Variants in FILIP1L observed in about 807,000 individuals in gnomAD.
FILIP1L encodes the protein filamin A interacting protein 1 like.
A neutral mutation model predicts 96.6 loss-of-function variants in FILIP1L; 55 were observed. The observed-to-expected ratio is 0.57, with a 90% confidence interval of 0.46 to 0.71. FILIP1L has a LOEUF of 0.71. Among genes scored for constraint, FILIP1L ranks in the 30% least tolerant of loss-of-function variants. The pLI, the probability that FILIP1L is intolerant of heterozygous loss-of-function variation, is 0.00. For synonymous variants in FILIP1L, 467 were observed against 473.9 expected, an observed-to-expected ratio of 0.99 and a Z score of 0.19; for missense variants, 1,304 against 1,321.2, an observed-to-expected ratio of 0.99 and a Z score of 0.20.
chr3:99,981,122 G>T (rs963030493), intron 1 of FILIP1L, among the ~76,000 whole-genome samples: 2 of 152,144 alleles, frequency 1.3e-5, no homozygotes. Context: ...CACTCTGTCC[G>T]AGCATTGTGC....
chr3:100,083,055 C>T (rs1285117825), intron 1 of FILIP1L, among the ~76,000 whole-genome samples: 1 of 152,148 alleles, frequency 6.6e-6, no homozygotes, highest in Non-Finnish European at 1.5e-5. Flanking sequence ...TATGAAATTA[C>T]AATTATTTTC....
intron 1 of FILIP1L, among the ~76,000 whole-genome samples, chr3:100,081,004 TTC>T: frequency 6.6e-6 from 1 of 152,346 alleles, no homozygotes; most frequent in Admixed American, 6.5e-5. Flanking sequence ...TCATTATTTA[TTC>T]AAGAACTATC....
intron 1 of FILIP1L, among the ~76,000 whole-genome samples, chr3:99,945,109 C>T (rs1468892232): frequency 6.6e-6 from 1 of 152,194 alleles, no homozygotes; most frequent in Non-Finnish European, 1.5e-5. Flanking sequence ...AGTCACCCTG[C>T]TGTGCTCTCC....
chr3:99,988,477 A>C (rs1270442852), intron 1 of FILIP1L, among the ~76,000 whole-genome samples: 1 of 139,298 alleles, frequency 7.2e-6, no homozygotes, highest in Non-Finnish European at 1.5e-5. Context: ...ATGCCACTGC[A>C]CTCCAGCCTG....
chr3:99,882,422 T>C (rs565321838), intron 4 of FILIP1L, among the ~76,000 whole-genome samples: 3 of 152,316 alleles, frequency 2.0e-5, no homozygotes, highest in Admixed American at 2.0e-4. Context: ...TTCCACTTCC[T>C]CATATAATGG....
At chr3:100,019,316 T>C (rs1311952617) in intron 1 of FILIP1L, among the ~76,000 whole-genome samples, 1 of 152,104 alleles carries the variant, frequency 6.6e-6, no homozygotes, top group Non-Finnish European at 1.5e-5. Flanking sequence ...GCTATGATCA[T>C]GCCACTGCAC....
chr3:99,964,502 G>A (rs1229432777), intron 1 of FILIP1L: 2 of 152,480 alleles, frequency 1.3e-5, no homozygotes, highest in Non-Finnish European at 2.9e-5. Context: ...AGGGCTCAGA[G>A]CTAGGTAGTG....
intron 1 of FILIP1L, among the ~76,000 whole-genome samples, chr3:100,059,402 C>T (rs971291950): frequency 2.0e-5 from 3 of 152,196 alleles, no homozygotes; most frequent in African/African-American, 7.2e-5. Flanking sequence ...GCCTCATCTC[C>T]GTGATCATCA....
At chr3:99,886,984 A>AG (rs1705921636) in intron 4 of FILIP1L, among the ~76,000 whole-genome samples, 1 of 134,310 alleles carries the variant, frequency 7.4e-6, no homozygotes. Context: ...AAAAAAAAAA[A>AG]GTACTGGCCG....
At chr3:99,910,828 A>AT (rs1432852089) in intron 4 of FILIP1L, among the ~76,000 whole-genome samples, 5 of 151,938 alleles carry the variant, frequency 3.3e-5, no homozygotes, top group South Asian at 2.1e-4. Context: ...AACTAGTGTT[A>AT]TTTTTTTTAA....
chr3:99,864,098 A>G (rs1052510308), intron 4 of FILIP1L, among the ~76,000 whole-genome samples: 5 of 152,224 alleles, frequency 3.3e-5, no homozygotes, highest in Non-Finnish European at 7.3e-5. Context: ...GAAGACATAT[A>G]CTTTTGCTGT....
chr3:99,977,427 C>G (rs1709003858), intron 1 of FILIP1L, among the ~76,000 whole-genome samples: 1 of 152,024 alleles, frequency 6.6e-6, no homozygotes, highest in Non-Finnish European at 1.5e-5. Context: ...GAAAGGTATG[C>G]TGGGGGCCTA....
At chr3:99,836,344 A>G (rs976141737) in intron 5 of FILIP1L, among the ~76,000 whole-genome samples, 2 of 152,192 alleles carry the variant, frequency 1.3e-5, no homozygotes, top group African/African-American at 4.8e-5. Context: ...GACCATCAAT[A>G]GAGGCGAGAC....
At chr3:99,985,172 A>G (rs1467995580) in intron 1 of FILIP1L, among the ~76,000 whole-genome samples, 1 of 152,068 alleles carries the variant, frequency 6.6e-6, no homozygotes, top group Non-Finnish European at 1.5e-5. Context: ...AAATCATCCT[A>G]GGGGGTCAAA....
chr3:99,928,699 G>C (rs941678456), intron 3 of FILIP1L, among the ~76,000 whole-genome samples: 10 of 152,126 alleles, frequency 6.6e-5, no homozygotes, highest in Admixed American at 3.9e-4. Context: ...TTTTGTTAGG[G>C]TTATGTTCAG....
chr3:100,098,562 T>C (rs2066251222), intron 1 of FILIP1L, among the ~76,000 whole-genome samples: 2 of 152,254 alleles, frequency 1.3e-5, no homozygotes, highest in Non-Finnish European at 2.9e-5. Context: ...TTATTCATAA[T>C]TGAACTTCGG....
intron 4 of FILIP1L, among the ~76,000 whole-genome samples, chr3:99,857,906 A>G (rs902581367): frequency 6.6e-6 from 1 of 152,236 alleles, no homozygotes; most frequent in African/African-American, 2.4e-5. Flanking sequence ...TATACAAACA[A>G]CAAAGACAAT....
At chr3:99,838,469 G>C (rs1315608612) in intron 5 of FILIP1L, among the ~76,000 whole-genome samples, 1 of 152,188 alleles carries the variant, frequency 6.6e-6, no homozygotes, top group African/African-American at 2.4e-5. Flanking sequence ...TCCATGTAGA[G>C]AAGTGGGGAG....
intron 1 of FILIP1L, among the ~76,000 whole-genome samples, chr3:100,086,159 C>A (rs367620424): frequency 6.6e-6 from 1 of 152,172 alleles, no homozygotes; most frequent in African/African-American, 2.4e-5. Context: ...AGAACAGTTG[C>A]GTTTCCTTTC....
Sources: allele counts gnomAD v4.1 joint callset (sites outside exome capture counted in the v4.1 genomes callset), GRCh38; gene constraint gnomAD v4.1.1; transcripts MANE v1.5; gene names NCBI Gene and HGNC (gene_info 2026-07-23, HGNC 2026-07-21).